The following EYA1 variants were observed in gnomAD, a reference collection of about 807,000 sequenced individuals.
EYA1 encodes protein phosphatase EYA1.
Under a neutral mutation model 82.0 loss-of-function variants are expected in EYA1, and 16 were observed. The ratio of observed to expected loss-of-function variants is 0.20; its 90% confidence interval spans 0.13 to 0.30. The LOEUF is 0.30. EYA1 is among the 10% of genes least tolerant of loss of function. The pLI is 1.00. For missense variants in EYA1, 633 were observed against 730.7 expected (o/e 0.87, Z 1.54); for synonymous variants, 261 against 264.4 (o/e 0.99, Z 0.12).
At chr8:71,310,740 C>A (rs766497333) in intron 7 of EYA1, among the ~76,000 whole-genome samples, 2 of 151,926 alleles carry the variant, frequency 1.3e-5, no homozygotes, top group Non-Finnish European at 2.9e-5. Context: ...TTTTATTATG[C>A]TACATTCCAA....
At chr8:71,454,827 A>G (rs1807738713) in intron 2 of EYA1, among the ~76,000 whole-genome samples, 1 of 152,258 alleles carries the variant, frequency 6.6e-6, no homozygotes, top group African/African-American at 2.4e-5. Flanking sequence ...GGAGAGATCT[A>G]AAATTGACAC....
chr8:71,346,440 A>C (rs1563507513), intron 3 of EYA1, among the ~76,000 whole-genome samples: 1 of 141,186 alleles, frequency 7.1e-6, no homozygotes, highest in Admixed American at 7.2e-5. Flanking sequence ...GAATATATAT[A>C]TATATATATA....
intron 9 of EYA1, among the ~76,000 whole-genome samples, chr8:71,283,579 A>G (rs971951874): frequency 1.6e-4 from 24 of 152,032 alleles, no homozygotes; most frequent in African/African-American, 5.6e-4. Flanking sequence ...TGGTTCACAC[A>G]GCAAAATGCA....
At chr8:71,250,647 C>G (rs1218487776) in intron 11 of EYA1, among the ~76,000 whole-genome samples, 1 of 152,190 alleles carries the variant, frequency 6.6e-6, no homozygotes, top group East Asian at 1.9e-4. Context: ...GGCTCTGTTT[C>G]TATTTCGTGT....
chr8:71,200,814 T>C (rs1806894071), intron 17 of EYA1, among the ~76,000 whole-genome samples: 1 of 151,684 alleles, frequency 6.6e-6, no homozygotes, highest in Non-Finnish European at 1.5e-5. Flanking sequence ...GCAATTACCT[T>C]TGCCTAGTGA....
chr8:71,384,033 T>C (rs2129103022), intron 2 of EYA1, among the ~76,000 whole-genome samples: 1 of 152,188 alleles, frequency 6.6e-6, no homozygotes, highest in South Asian at 2.1e-4. Flanking sequence ...TTTTTTTAAA[T>C]TCATTGCATC....
At chr8:71,545,808 C>T (rs1373516164) in intron 1 of EYA1, among the ~76,000 whole-genome samples, 1 of 152,104 alleles carries the variant, frequency 6.6e-6, no homozygotes, top group Non-Finnish European at 1.5e-5. Context: ...AATCCGCCCA[C>T]CTCCACCTCC....
chr8:71,483,699 T>C (rs1175623276), intron 2 of EYA1, among the ~76,000 whole-genome samples: 1 of 151,922 alleles, frequency 6.6e-6, no homozygotes, highest in Non-Finnish European at 1.5e-5. Context: ...GTGTTGGGTA[T>C]GCAAACATAC....
chr8:71,497,561 T>A (rs1811507168), intron 2 of EYA1, among the ~76,000 whole-genome samples: 1 of 152,086 alleles, frequency 6.6e-6, no homozygotes, highest in Non-Finnish European at 1.5e-5. Flanking sequence ...TTTAAAAAGA[T>A]AACAGATAAG....
At chr8:71,233,459 G>A (rs911428779) in intron 12 of EYA1, among the ~76,000 whole-genome samples, 19 of 151,672 alleles carry the variant, frequency 1.3e-4, no homozygotes, top group Admixed American at 8.5e-4. Flanking sequence ...AGCTACTCAG[G>A]AGGCTGAGGC....
intron 17 of EYA1, among the ~76,000 whole-genome samples, chr8:71,203,553 G>A (rs1242790346): frequency 2.6e-5 from 4 of 152,174 alleles, no homozygotes; most frequent in Non-Finnish European, 4.4e-5. Flanking sequence ...GTTAGGAGGA[G>A]TAATTGGCCT....
chr8:71,472,878 TAGAC>T (rs926635371), intron 2 of EYA1, among the ~76,000 whole-genome samples: 1 of 150,690 alleles, frequency 6.6e-6, no homozygotes, highest in African/African-American at 2.4e-5. Flanking sequence ...CCTTACTGTC[TAGAC>T]AGACAAAGAC....
intron 7 of EYA1, among the ~76,000 whole-genome samples, chr8:71,304,034 TC>T (rs1820474810): frequency 7.1e-6 from 1 of 139,992 alleles, no homozygotes; most frequent in African/African-American, 2.5e-5. Flanking sequence ...ACTAAAGTTT[TC>T]CCAGGCATTA....
intron 9 of EYA1, among the ~76,000 whole-genome samples, chr8:71,298,196 C>T (rs1450547190): frequency 6.6e-6 from 1 of 151,944 alleles, no homozygotes; most frequent in Non-Finnish European, 1.5e-5. Context: ...GTAATTTTTT[C>T]AATGTTAAGA....
At chr8:71,270,100 G>A (rs951202601) in intron 10 of EYA1, 4 of 346,762 alleles carry the variant, frequency 1.2e-5, no homozygotes, top group Admixed American at 8.3e-5. Context: ...ATAGAATTTC[G>A]GTCTCAGCTC....
intron 12 of EYA1, among the ~76,000 whole-genome samples, chr8:71,234,696 A>G (rs1811619840): frequency 6.6e-6 from 1 of 151,484 alleles, no homozygotes; most frequent in African/African-American, 2.4e-5. Context: ...AAAATGCTCA[A>G]TCTTAGGCCC....
intron 12 of EYA1, among the ~76,000 whole-genome samples, chr8:71,220,955 A>C: frequency 6.6e-6 from 1 of 152,338 alleles, no homozygotes; most frequent in East Asian, 1.9e-4. Context: ...CCTTGCCCTC[A>C]AGGCACTTAC....
At chr8:71,542,414 T>C (rs1815211952) in intron 1 of EYA1, among the ~76,000 whole-genome samples, 1 of 152,244 alleles carries the variant, frequency 6.6e-6, no homozygotes, top group Admixed American at 6.5e-5. Flanking sequence ...CTTGGCTGCA[T>C]AGTATTCCAA....
chr8:71,492,761 G>A (rs955904921), intron 2 of EYA1, among the ~76,000 whole-genome samples: 6 of 151,984 alleles, frequency 3.9e-5, no homozygotes, highest in East Asian at 3.8e-4. Context: ...CACTGCGCCC[G>A]GCCTTTTCTT....
Sources: gnomAD v4.1 joint callset for allele counts (sites outside exome capture counted in the v4.1 genomes callset) on GRCh38, gnomAD v4.1.1 for gene constraint, MANE v1.5 for transcripts, NCBI Gene and HGNC (gene_info 2026-07-23, HGNC 2026-07-21) for gene names.